Variants in SSH2 observed in about 807,000 individuals in gnomAD.
SSH2 encodes protein phosphatase Slingshot homolog 2.
A neutral mutation model predicts 135.2 loss-of-function variants in SSH2; 37 were observed. The ratio of observed to expected loss-of-function variants is 0.27; its 90% confidence interval spans 0.21 to 0.36. The LOEUF is 0.36. Ranked by LOEUF, SSH2 falls within the 10% of genes least tolerant of loss-of-function variation. SSH2 has a pLI of 1.00. For synonymous variants in SSH2, 628 were observed against 646.2 expected, an observed-to-expected ratio of 0.97 and a Z score of 0.43; for missense variants, 1,408 against 1,765.3, an observed-to-expected ratio of 0.80 and a Z score of 3.63.
At chr17:29,833,160 T>G (rs1005809884) in intron 2 of SSH2, among the ~76,000 whole-genome samples, 1 of 152,230 alleles carries the variant, frequency 6.6e-6, no homozygotes, top group Non-Finnish European at 1.5e-5. Flanking sequence ...GTCTGGATGA[T>G]CTTTCCAATA....
Position 29,648,284 on chromosome 17 carries a change from G to T in SSH2, c.1287C>A (p.Thr429=), listed in dbSNP as rs375470590. 1.2e-6 allele frequency: 2 copies of T among 1,614,158 alleles called. No individual in the cohort carries two copies. The highest frequency in any genetic ancestry group is 8.5e-7 in the Non-Finnish European group (1 of 1,180,024). ...ATTCCTTCATTGCATAGGCAATCAC[G>T]GTGGAGGCTGAGCGACTCACCCCCA... is the stretch of plus-strand genomic sequence containing the variant. ...CKMGVSRSAS[T]VIAYAMKEYG... Residue 429 remains threonine (T), a synonymous_variant, in exon 14 of 16, where the codon ACC becomes ACA. Transcript: ENST00000540801.
intron 12 of SSH2, among the ~76,000 whole-genome samples, chr17:29,653,590 T>TC (rs1483030956): frequency 6.8e-6 from 1 of 147,144 alleles, no homozygotes; most frequent in Non-Finnish European, 1.5e-5. Flanking sequence ...AAGTACAGAT[T>TC]TTTTTTTTTT....
chr17:29,818,859 G>A (rs1039021675), intron 2 of SSH2, among the ~76,000 whole-genome samples: 1 of 151,760 alleles, frequency 6.6e-6, no homozygotes, highest in African/African-American at 2.4e-5. Context: ...AGGCTGAGAC[G>A]GAAGGACTGC....
intron 3 of SSH2, among the ~76,000 whole-genome samples, chr17:29,781,473 CTTTTTTTTTTT>C (rs541361010): frequency 6.1e-5 from 5 of 81,844 alleles, no homozygotes; most frequent in South Asian, 8.9e-4. Flanking sequence ...CCTGTGTTTT[CTTTTTTTTTTT>C]TTTTTTTTTT....
intron 3 of SSH2, among the ~76,000 whole-genome samples, chr17:29,719,203 G>C (rs1438342321): frequency 1.3e-5 from 2 of 152,160 alleles, no homozygotes; most frequent in African/African-American, 2.4e-5. Flanking sequence ...TGTTTATAAT[G>C]GCAAGAACTT....
chr17:29,796,763 T>A (rs1161839473), intron 2 of SSH2, among the ~76,000 whole-genome samples: 2 of 152,158 alleles, frequency 1.3e-5, no homozygotes, highest in African/African-American at 2.4e-5. Flanking sequence ...TTTAAATGCA[T>A]AATAATTAAT....
At chr17:29,770,664 G>A (rs528993709) in intron 3 of SSH2, among the ~76,000 whole-genome samples, 1 of 151,816 alleles carries the variant, frequency 6.6e-6, no homozygotes, top group South Asian at 2.1e-4. Context: ...GTAGAGATGA[G>A]GTTTCACCAT....
chr17:29,652,474 C>A lies in SSH2; in HGVS notation c.1080-1674G>T, dbSNP rs770070559. On this transcript the variant is annotated intron_variant, in intron 12 of 15. Transcript: ENST00000540801. ...TAAATGGATTGTGGTGATGGTTGCA[C>A]GGCTCTATGAATATACTAAAAACCA... is the stretch of plus-strand genomic sequence containing the variant. Among the ~76,000 whole-genome samples the A allele has an allele frequency of 4.6e-5, 7 of 151,840 alleles. No individual in the cohort carries two copies. The Middle Eastern group carries it at 0.014, about 295-fold the overall frequency.
intron 3 of SSH2, among the ~76,000 whole-genome samples, chr17:29,757,232 A>G (rs929108305): frequency 2.0e-5 from 3 of 152,156 alleles, no homozygotes; most frequent in Admixed American, 6.5e-5. Flanking sequence ...CTTAGAAATA[A>G]CACTTCCCTT....
chr17:29,817,755 CTTTA>C (rs551929434), intron 2 of SSH2, among the ~76,000 whole-genome samples: 4 of 151,976 alleles, frequency 2.6e-5, no homozygotes, highest in South Asian at 2.1e-4. Flanking sequence ...CTCTTGTATA[CTTTA>C]TTTATTTATT....
chr17:29,781,608 T>C (rs1220985909), intron 3 of SSH2, among the ~76,000 whole-genome samples: 1 of 150,338 alleles, frequency 6.7e-6, no homozygotes, highest in Non-Finnish European at 1.5e-5. Flanking sequence ...GCCTATCGAG[T>C]AACTGGGACT....
At chr17:29,691,007 A>G (rs2038450409) in intron 5 of SSH2, among the ~76,000 whole-genome samples, 1 of 152,060 alleles carries the variant, frequency 6.6e-6, no homozygotes, top group African/African-American at 2.4e-5. Context: ...GTGGAAGGAT[A>G]CTTATCCAAA....
chr17:29,689,423 A>G (rs1054567436), intron 5 of SSH2, among the ~76,000 whole-genome samples: 6 of 152,224 alleles, frequency 3.9e-5, no homozygotes, highest in African/African-American at 9.6e-5. Context: ...CCTATATTGA[A>G]ATCAATGACT....
intron 12 of SSH2, among the ~76,000 whole-genome samples, chr17:29,653,469 G>C (rs1005456858): frequency 5.3e-5 from 8 of 152,076 alleles, no homozygotes; most frequent in African/African-American, 1.9e-4. Flanking sequence ...TCTCCAGCTG[G>C]GGTTATATTC....
At chr17:29,921,386 AT>A (rs1441580932) in intron 1 of SSH2, among the ~76,000 whole-genome samples, 29 of 152,362 alleles carry the variant, frequency 1.9e-4, no homozygotes, top group African/African-American at 5.8e-4. Flanking sequence ...TTTTTATACA[AT>A]GCTTGTAAAC....
chr17:29,732,909 G>A (rs897124485), intron 3 of SSH2, among the ~76,000 whole-genome samples: 1 of 152,180 alleles, frequency 6.6e-6, no homozygotes, highest in Non-Finnish European at 1.5e-5. Context: ...AAGCAAAGCA[G>A]CAAATATCTT....
chr17:29,657,481 C>G (rs1236371056), intron 11 of SSH2, among the ~76,000 whole-genome samples: 1 of 150,162 alleles, frequency 6.7e-6, no homozygotes, highest in Non-Finnish European at 1.5e-5. Flanking sequence ...GTTGGTCAGG[C>G]TGGTCTCAAA....
chr17:29,632,695 A>C lies in SSH2; in HGVS notation c.2499T>G (p.Asp833Glu). The change falls in exon 16 of 16, where the codon GAT (aspartate) becomes GAG (glutamate). Residue 833 changes from aspartate (D) to glutamate (E), a missense_variant. Asp to Glu is a conservative substitution (Grantham distance 45). This residue lies in a region of SSH2 where 1,080 missense variants were observed against 1,144.5 expected (regional missense o/e 0.94). Transcript: ENST00000540801. ...PENKPGHMEQ[D>E]EDSCTAQPEL... is the part of the protein sequence containing the mutation. Reference sequence around the variant, plus strand: ...CAGGCTGGGCTGTGCAGGAGTCCTCATCTTGCTCCATATGTCCAGGTTTGT... The same window carrying C: ...CAGGCTGGGCTGTGCAGGAGTCCTCCTCTTGCTCCATATGTCCAGGTTTGT... 1 of 1,614,054 alleles carries C rather than the reference A, an allele frequency of 6.2e-7. No individual in the cohort carries two copies. The highest frequency in any genetic ancestry group is 1.3e-5 in the African/African-American group (1 of 74,978).
At chr17:29,729,002 A>T (rs190117283) in intron 3 of SSH2, among the ~76,000 whole-genome samples, 1 of 152,306 alleles carries the variant, frequency 6.6e-6, no homozygotes, top group Non-Finnish European at 1.5e-5. Flanking sequence ...TTCTTGAGTA[A>T]TACCCCACAA....
Sources: gnomAD v4.1 joint callset for allele counts (sites outside exome capture counted in the v4.1 genomes callset) on GRCh38, gnomAD v4.1.1 for gene constraint, gnomAD v4.1.1 regional missense constraint, MANE v1.5 for transcripts, NCBI Gene and HGNC (gene_info 2026-07-23, HGNC 2026-07-21) for gene names.